Variants in DLG2 observed in about 807,000 individuals in gnomAD.
The protein encoded by DLG2 is disks large homolog 2.
Under a neutral mutation model 132.5 loss-of-function variants are expected in DLG2, and 45 were observed. The ratio of observed to expected loss-of-function variants is 0.34; its 90% CI spans 0.27 to 0.44. DLG2 has a LOEUF of 0.44. DLG2 is among the 20% of genes least tolerant of loss of function. The probability of loss-of-function intolerance (pLI) is 1.00; values close to 1 mark genes in which losing one functional copy is unlikely to be tolerated. For missense variants in DLG2, 1,045 were observed against 1,196.9 expected (o/e 0.87, Z 1.87); for synonymous variants, 424 against 419.6 (o/e 1.01, Z -0.13).
intron 9 of DLG2, among the ~76,000 whole-genome samples, chr11:84,106,369 C>A (rs1311962748): frequency 6.6e-6 from 1 of 152,132 alleles, no homozygotes; most frequent in Admixed American, 6.6e-5. Context: ...TGAACAGCCC[C>A]AGGTCTATTA....
chr11:84,837,636 A>G lies in DLG2; in HGVS notation c.357+274025T>C, dbSNP rs139908016. Among the ~76,000 whole-genome samples the G allele has an allele frequency of 6.3e-4, 96 of 151,962 alleles. 3 individuals are homozygous for G. The highest frequency in any genetic ancestry group is 2.2e-3 in the African/African-American group (92 of 41,506). On this transcript the variant is annotated intron_variant, in intron 6 of 27. Transcript: ENST00000376104. ...TGATTTTATGAATCATCAGGGAAAT[A>G]TGCTGAGTAAAGAAGGAAGGTAGAA...
intron 16 of DLG2, among the ~76,000 whole-genome samples, chr11:83,864,713 G>A (rs1467280534): frequency 2.0e-5 from 3 of 152,160 alleles, no homozygotes; most frequent in African/African-American, 7.2e-5. Context: ...ATAGGATACA[G>A]ACGTGCTCTT....
intron 6 of DLG2, among the ~76,000 whole-genome samples, chr11:84,771,134 C>T (rs1191130569): frequency 6.6e-6 from 1 of 152,132 alleles, no homozygotes; most frequent in Admixed American, 6.5e-5. Context: ...GGTATACACT[C>T]AGTCGTGGGA....
intron 4 of DLG2, among the ~76,000 whole-genome samples, chr11:85,277,254 A>C (rs564443636): frequency 1.3e-5 from 2 of 152,140 alleles, no homozygotes; most frequent in Admixed American, 6.6e-5. Context: ...AGACCAGTTA[A>C]AGCTTGTTTC....
At chr11:85,494,496 TA>T (rs971099765) in intron 3 of DLG2, among the ~76,000 whole-genome samples, 3 of 151,764 alleles carry the variant, frequency 2.0e-5, no homozygotes, top group Admixed American at 6.6e-5. Flanking sequence ...CAAACAAGAT[TA>T]AAAAAAAGGA....
intron 8 of DLG2, among the ~76,000 whole-genome samples, chr11:84,222,398 C>A (rs575881374): frequency 5.8e-4 from 88 of 152,204 alleles, no homozygotes; most frequent in African/African-American, 2.0e-3. Context: ...ACTATAATAT[C>A]TTTTTTACCT....
chr11:84,327,112 CTTTTTT>C (rs11290540), intron 7 of DLG2, among the ~76,000 whole-genome samples: 4 of 119,024 alleles, frequency 3.4e-5, no homozygotes, highest in Non-Finnish European at 5.2e-5. Context: ...TAATGAGAAT[CTTTTTT>C]TTTTTTTTTT....
intron 8 of DLG2, among the ~76,000 whole-genome samples, chr11:84,206,511 A>T (rs1227133066): frequency 6.6e-6 from 1 of 152,052 alleles, no homozygotes; most frequent in Non-Finnish European, 1.5e-5. Flanking sequence ...TAGCACACCA[A>T]ATCTAATAAT....
At chr11:83,505,242 A>C (rs11233644) in intron 21 of DLG2, among the ~76,000 whole-genome samples, 1 of 152,308 alleles carries the variant, frequency 6.6e-6, no homozygotes, top group East Asian at 1.9e-4. Flanking sequence ...GATCACCCTG[A>C]GGAATGGTGC....
intron 3 of DLG2, among the ~76,000 whole-genome samples, chr11:85,505,390 G>T (rs1218420535): frequency 1.3e-5 from 2 of 152,116 alleles, no homozygotes; most frequent in Non-Finnish European, 2.9e-5. Context: ...TTTGAGATAT[G>T]TCCCATCAAT....
chr11:84,254,592 A>T (rs1210395868), intron 7 of DLG2, among the ~76,000 whole-genome samples: 1 of 152,212 alleles, frequency 6.6e-6, no homozygotes, highest in Non-Finnish European at 1.5e-5. Flanking sequence ...AAATCTCATG[A>T]TACCAAGACT....
intron 6 of DLG2, among the ~76,000 whole-genome samples, chr11:85,109,877 G>C (rs1194410432): frequency 6.6e-6 from 1 of 152,060 alleles, no homozygotes. Flanking sequence ...AGGAGAAATA[G>C]AAACTACCAG....
At position 85,570,221 on chromosome 11, in the gene DLG2, A is replaced by G. The variant is rs80053823; in HGVS notation, c.40+28436T>C. ...ATGAGATGGATGATGATATTAATAAATGTGGTTATCTGATATTATATAATG... is the reference window on the plus strand; with the variant it reads ...ATGAGATGGATGATGATATTAATAAGTGTGGTTATCTGATATTATATAATG... On this transcript the variant is annotated intron_variant, in intron 3 of 27. Coordinates refer to ENST00000376104, the MANE Select transcript of DLG2 (RefSeq NM_001142699.3). Among the ~76,000 whole-genome samples the G allele has an allele frequency of 9.2e-3, 1,395 of 152,294 alleles. 17 individuals carry two copies. Among genetic ancestry groups the G allele is most frequent in the African/African-American group, 0.03 (1,245 of 41,554 alleles).
At chr11:84,945,477 G>A (rs1219277135) in intron 6 of DLG2, among the ~76,000 whole-genome samples, 1 of 152,140 alleles carries the variant, frequency 6.6e-6, no homozygotes, top group East Asian at 1.9e-4. Context: ...CAACCCTCTG[G>A]CTACCACCAC....
chr11:84,004,969 T>C (rs535817883), intron 11 of DLG2, among the ~76,000 whole-genome samples: 2 of 136,204 alleles, frequency 1.5e-5, no homozygotes, highest in African/African-American at 5.4e-5. Flanking sequence ...AGAGCCAGAA[T>C]AGCTGAAGCA....
At chr11:84,158,328 G>T (rs747829570) in intron 9 of DLG2, among the ~76,000 whole-genome samples, 1 of 152,128 alleles carries the variant, frequency 6.6e-6, no homozygotes, top group African/African-American at 2.4e-5. Flanking sequence ...CTCCCAAAGG[G>T]CTGGGATTAC....
intron 11 of DLG2, among the ~76,000 whole-genome samples, chr11:83,998,488 A>G (rs2094166655): frequency 6.6e-6 from 1 of 152,174 alleles, no homozygotes; most frequent in South Asian, 2.1e-4. Context: ...CCTAAAGCAA[A>G]GAAGAAAAAG....
intron 3 of DLG2, among the ~76,000 whole-genome samples, chr11:85,561,632 T>C (rs189733023): frequency 6.6e-6 from 1 of 151,852 alleles, no homozygotes; most frequent in East Asian, 1.9e-4. Flanking sequence ...AAAGTAGACT[T>C]GTCAAATCAA....
intron 6 of DLG2, among the ~76,000 whole-genome samples, chr11:84,564,708 G>A (rs1230881221): frequency 6.6e-6 from 1 of 152,146 alleles, no homozygotes; most frequent in Non-Finnish European, 1.5e-5. Flanking sequence ...AATGGTTTGG[G>A]TTAAATATTA....
Sources: gnomAD v4.1 joint callset for allele counts (sites outside exome capture counted in the v4.1 genomes callset) on GRCh38, gnomAD v4.1.1 for gene constraint, MANE v1.5 for transcripts, NCBI Gene and HGNC (gene_info 2026-07-23, HGNC 2026-07-21) for gene names.